Variants in ARSB observed in about 807,000 individuals in gnomAD.
The protein encoded by ARSB is arylsulfatase B.
A neutral mutation model predicts 50.9 loss-of-function variants in ARSB; 41 were observed. That is an observed-to-expected ratio of 0.81 (90% confidence interval 0.63 to 1.04). ARSB has a LOEUF of 1.04. Among genes scored for constraint, ARSB ranks in the 50% least tolerant of loss-of-function variants. The pLI, the probability that ARSB is intolerant of heterozygous loss-of-function variation, is 0.00. For missense variants in ARSB, 672 were observed against 693.3 expected, an observed-to-expected ratio of 0.97 and a Z score of 0.35; for synonymous variants, 269 against 284.8, an observed-to-expected ratio of 0.94 and a Z score of 0.56.
chr5:78,965,718 G>A (rs1752174887), intron 2 of ARSB, among the ~76,000 whole-genome samples: 1 of 151,116 alleles, frequency 6.6e-6, no homozygotes, highest in South Asian at 2.1e-4. Flanking sequence ...TTAAAATGAG[G>A]ATGATAAAAT....
At chr5:78,845,767 A>G (rs1410493079) in intron 5 of ARSB, among the ~76,000 whole-genome samples, 1 of 152,078 alleles carries the variant, frequency 6.6e-6, no homozygotes, top group Admixed American at 6.6e-5. Context: ...AGTTCCTTAT[A>G]TATTCTGGAT....
chr5:78,825,692 C>T (rs2112683957), intron 6 of ARSB, among the ~76,000 whole-genome samples: 1 of 152,234 alleles, frequency 6.6e-6, no homozygotes, highest in African/African-American at 2.4e-5. Context: ...TCTCATTCCT[C>T]TTTTATTATT....
At chr5:78,911,019 A>G in intron 4 of ARSB, among the ~76,000 whole-genome samples, 1 of 152,192 alleles carries the variant, frequency 6.6e-6, no homozygotes, top group East Asian at 1.9e-4. Flanking sequence ...TGTTCTTTTA[A>G]ATCAACAAAA....
chr5:78,801,072 A>G (rs926285034), intron 6 of ARSB, among the ~76,000 whole-genome samples: 2 of 152,246 alleles, frequency 1.3e-5, no homozygotes, highest in Non-Finnish European at 2.9e-5. Flanking sequence ...TACCTCCAAC[A>G]TATAGAAGTT....
chr5:78,923,894 C>T (rs1356953529), intron 4 of ARSB, among the ~76,000 whole-genome samples: 1 of 152,154 alleles, frequency 6.6e-6, no homozygotes, highest in Non-Finnish European at 1.5e-5. Context: ...GCCTGCTTTC[C>T]AAATGTACAT....
intron 6 of ARSB, among the ~76,000 whole-genome samples, chr5:78,784,659 T>C (rs899701416): frequency 5.3e-5 from 8 of 152,208 alleles, no homozygotes; most frequent in Non-Finnish European, 1.0e-4. Context: ...GTAGTACATG[T>C]GAACTTTTGT....
At chr5:78,942,038 C>T (rs186542064) in intron 4 of ARSB, among the ~76,000 whole-genome samples, 137 of 152,258 alleles carry the variant, frequency 9.0e-4, no homozygotes, top group Non-Finnish European at 1.4e-3. Flanking sequence ...GTAATTTATC[C>T]GTTTCTTCTA....
intron 5 of ARSB, chr5:78,884,616 T>A (rs1042923003): frequency 6.6e-6 from 1 of 152,076 alleles, no homozygotes; most frequent in South Asian, 2.1e-4. Flanking sequence ...CAAACAGAGG[T>A]TGAAAACCAT....
chr5:78,848,980 A>C (rs1415286400), intron 5 of ARSB, among the ~76,000 whole-genome samples: 3 of 152,090 alleles, frequency 2.0e-5, no homozygotes, highest in Non-Finnish European at 4.4e-5. Flanking sequence ...TTGTCAGATG[A>C]GTAGATTGCA....
intron 4 of ARSB, among the ~76,000 whole-genome samples, chr5:78,914,965 T>C (rs1215111856): frequency 1.3e-5 from 2 of 152,230 alleles, no homozygotes; most frequent in Non-Finnish European, 2.9e-5. Flanking sequence ...CCTGGCCTCA[T>C]GAAAGTCTTC....
chr5:78,957,840 C>T (rs1203913267), intron 3 of ARSB, among the ~76,000 whole-genome samples: 2 of 151,988 alleles, frequency 1.3e-5, no homozygotes, highest in Non-Finnish European at 2.9e-5. Flanking sequence ...TATGGGTCTG[C>T]TCTGGGTACT....
intron 6 of ARSB, among the ~76,000 whole-genome samples, chr5:78,817,752 C>T (rs1402274966): frequency 7.2e-5 from 11 of 152,084 alleles, no homozygotes; most frequent in East Asian, 3.9e-4. Context: ...AGGGTTGCAG[C>T]GAGCTGAGAG....
chr5:78,949,041 A>G (rs1052028108), intron 4 of ARSB, among the ~76,000 whole-genome samples: 1 of 152,228 alleles, frequency 6.6e-6, no homozygotes, highest in East Asian at 1.9e-4. Flanking sequence ...GACATTTAGA[A>G]CATGGCACAA....
chr5:78,820,629 T>C (rs1445648954), intron 6 of ARSB, among the ~76,000 whole-genome samples: 1 of 152,188 alleles, frequency 6.6e-6, no homozygotes. Flanking sequence ...CAGAATACCA[T>C]GCAGCAGTTA....
chr5:78,901,577 G>A (rs983760164), intron 4 of ARSB, among the ~76,000 whole-genome samples: 1 of 147,758 alleles, frequency 6.8e-6, no homozygotes, highest in Non-Finnish European at 1.5e-5. Flanking sequence ...TAATGCTAGA[G>A]TATTCTGATA....
intron 4 of ARSB, among the ~76,000 whole-genome samples, chr5:78,944,645 T>A (rs1751125552): frequency 6.6e-6 from 1 of 152,194 alleles, no homozygotes; most frequent in Admixed American, 6.5e-5. Context: ...GGAAGTTTTG[T>A]CTCAGAGGGT....
At chr5:78,965,056 G>A (rs1446768389) in intron 2 of ARSB, among the ~76,000 whole-genome samples, 1 of 152,192 alleles carries the variant, frequency 6.6e-6, no homozygotes, top group Non-Finnish European at 1.5e-5. Context: ...GTTATTTACA[G>A]AAGTGGTTCT....
intron 2 of ARSB, among the ~76,000 whole-genome samples, chr5:78,967,007 C>T (rs77621581): frequency 0.13 from 20,196 of 151,564 alleles, 1,631 homozygotes; most frequent in Middle Eastern, 0.22. Flanking sequence ...ACACACCCTC[C>T]TGTCTGACAT....
At chr5:78,834,810 TTGC>T (rs1744874102) in intron 6 of ARSB, among the ~76,000 whole-genome samples, 1 of 151,552 alleles carries the variant, frequency 6.6e-6, no homozygotes, top group Admixed American at 6.6e-5. Context: ...AGAAGTGGGA[TTGC>T]TGGATCCTAT....
Sources: allele counts gnomAD v4.1 joint callset (sites outside exome capture counted in the v4.1 genomes callset), GRCh38; gene constraint gnomAD v4.1.1; transcripts MANE v1.5; gene names NCBI Gene and HGNC (gene_info 2026-07-23, HGNC 2026-07-21).